AP3M1: variants seen among roughly 807,000 people sequenced by gnomAD.
The protein encoded by AP3M1 is AP-3 complex subunit mu-1.
A neutral mutation model predicts 42.6 loss-of-function variants in AP3M1; 29 were observed. The observed-to-expected ratio is 0.68, with a 90% CI of 0.51 to 0.93. The LOEUF is 0.93. Among genes scored for constraint, AP3M1 ranks in the 40% least tolerant of loss-of-function variants. AP3M1 has a pLI of 0.00. For missense variants in AP3M1, 416 were observed against 510.2 expected (o/e 0.82, Z 1.78); for synonymous variants, 178 against 175.3 (o/e 1.02, Z -0.12).
intron 7 of AP3M1, 86 bp downstream of exon 7, chr10:74,126,062 G>T: frequency 1.4e-6 from 2 of 1,420,310 alleles, no homozygotes; most frequent in South Asian, 1.2e-5. Context: ...TAAACAAGGT[G>T]CCAAACCTTT....
intron 4 of AP3M1, among the ~76,000 whole-genome samples, chr10:74,131,816 A>G (rs565801930): frequency 1.1e-4 from 16 of 152,168 alleles, no homozygotes; most frequent in Non-Finnish European, 2.4e-4. Flanking sequence ...TGCTGGGATT[A>G]CAGGTGTGAG....
intron 1 of AP3M1, 118 bp from the exon 2 acceptor site, chr10:74,138,500 C>A: frequency 1.3e-6 from 1 of 777,928 alleles, no homozygotes; most frequent in Non-Finnish European, 1.9e-6. Context: ...GCTGGTTCAA[C>A]ATACAAAAAT....
At chr10:74,127,913 C>A (rs1267471712) in intron 6 of AP3M1, among the ~76,000 whole-genome samples, 1 of 151,264 alleles carries the variant, frequency 6.6e-6, no homozygotes, top group Non-Finnish European at 1.5e-5. Context: ...CCAGTCTGAC[C>A]AACATGGAAT....
intron 3 of AP3M1, 26 bp from the exon 4 acceptor site, chr10:74,134,190 A>T: frequency 6.2e-7 from 1 of 1,606,976 alleles, no homozygotes; most frequent in Non-Finnish European, 8.5e-7. Context: ...GGAGAAGGCA[A>T]AGCTGATGTA....
chr10:74,147,178 T>C (rs1453483069), intron 1 of AP3M1, among the ~76,000 whole-genome samples: 1 of 151,978 alleles, frequency 6.6e-6, no homozygotes, highest in African/African-American at 2.4e-5. Context: ...CCGGCTGCTC[T>C]GGAGGCTGAG....
intron 1 of AP3M1, among the ~76,000 whole-genome samples, chr10:74,147,171 G>C (rs1177090849): frequency 6.6e-6 from 1 of 152,118 alleles, no homozygotes; most frequent in East Asian, 1.9e-4. Flanking sequence ...TGTAATCCCG[G>C]CTGCTCTGGA....
chr10:74,136,142 A>C (rs979786089), intron 3 of AP3M1, among the ~76,000 whole-genome samples: 8 of 152,240 alleles, frequency 5.3e-5, no homozygotes, highest in African/African-American at 1.9e-4. Flanking sequence ...TTTTTTCTTA[A>C]TACATCTTCT....
rs948908394 is a variant in AP3M1, at chr10:74,129,901, A to G, written c.669+6T>C. 1.2e-6 allele frequency: 2 copies of G among 1,605,038 alleles called. No homozygotes were observed. The highest frequency in any genetic ancestry group is 1.7e-6 in the Non-Finnish European group (2 of 1,172,086). On this transcript the variant is annotated splice_donor_region_variant and intron_variant, in intron 5 of 8. Transcript: ENST00000355264. Reference sequence around the variant, plus strand: ...AGGGGCTATAAAACAGGAGAATAAAACTTACCATGAAAGAAAGGGAGAGAT... The same window carrying G: ...AGGGGCTATAAAACAGGAGAATAAAGCTTACCATGAAAGAAAGGGAGAGAT...
At chr10:74,130,351 T>C (rs1388273687) in intron 4 of AP3M1, among the ~76,000 whole-genome samples, 1 of 152,218 alleles carries the variant, frequency 6.6e-6, no homozygotes, top group African/African-American at 2.4e-5. Flanking sequence ...GGCTGGAATA[T>C]AATAATAATT....
At chr10:74,133,319 G>A (rs751667912) in intron 4 of AP3M1, among the ~76,000 whole-genome samples, 2 of 151,864 alleles carry the variant, frequency 1.3e-5, no homozygotes, top group African/African-American at 2.4e-5. Flanking sequence ...GCTTGAACCC[G>A]GGAGGCGGAG....
rs777878319 is a variant in AP3M1, at chr10:74,124,521, G to A, written c.1015C>T (p.Leu339=). The A allele has an allele frequency of 9.5e-6, 15 of 1,584,946 alleles. No homozygotes were observed. The highest frequency in any genetic ancestry group is 9.4e-6 in the Non-Finnish European group (11 of 1,171,220). Residue 339 remains leucine (L), a synonymous_variant, in exon 8 of 9, where the codon CTA becomes TTA. Transcript: ENST00000355264. ...GTAATTTTTCCCACATCCCATGTTA[G>A]TACCTTAAAAAGACAAAAAATGAAA... ...SYTFDPVTKV[L]TWDVGKITPQ... is the part of the protein sequence containing the mutation.
intron 1 of AP3M1, among the ~76,000 whole-genome samples, chr10:74,149,594 C>A (rs558799663): frequency 6.6e-6 from 1 of 152,166 alleles, no homozygotes; most frequent in Admixed American, 6.6e-5. Context: ...GGCCAAGATT[C>A]GTAAATTAAG....
chr10:74,143,195 A>G (rs1362696468), intron 1 of AP3M1, among the ~76,000 whole-genome samples: 3 of 152,218 alleles, frequency 2.0e-5, no homozygotes, highest in African/African-American at 7.2e-5. Flanking sequence ...TACTAAAAAT[A>G]CAAAAATTAG....
intron 1 of AP3M1, chr10:74,138,668 T>C (rs1841027306): frequency 8.6e-6 from 2 of 231,778 alleles, no homozygotes; most frequent in Non-Finnish European, 1.7e-5. Flanking sequence ...CAGTGGCACA[T>C]GCCTGTAATC....
At chr10:74,135,022 C>G (rs1840899783) in intron 3 of AP3M1, among the ~76,000 whole-genome samples, 1 of 152,092 alleles carries the variant, frequency 6.6e-6, no homozygotes, top group African/African-American at 2.4e-5. Flanking sequence ...TTTAATTGCA[C>G]TTTAAAATAT....
chr10:74,138,110 A>G lies in AP3M1; in HGVS notation c.270T>C (p.Phe90=). 1 of 1,612,896 alleles carries G rather than the reference A, an allele frequency of 6.2e-7. No individual in the cohort carries two copies. Among genetic ancestry groups the G allele is most frequent in the Non-Finnish European group, 8.5e-7 (1 of 1,179,302 alleles). Residue 90 remains phenylalanine, a synonymous_variant, in exon 2 of 9, where the codon TTT becomes TTC. Transcript: ENST00000355264. Reference sequence around the variant, plus strand: ...AAAGGTATGATAGATAACCAACCTGAAAAGTGTCAGCAACTCGATGTAGGA... The same window carrying G: ...AAAGGTATGATAGATAACCAACCTGGAAAGTGTCAGCAACTCGATGTAGGA... The part of the protein sequence containing the change: ...IEFLHRVADT[F]QDYFGECSEA...
At chr10:74,133,685 T>G (rs962444952) in intron 4 of AP3M1, among the ~76,000 whole-genome samples, 4 of 150,704 alleles carry the variant, frequency 2.7e-5, no homozygotes, top group African/African-American at 9.7e-5. Flanking sequence ...TTTTTTTTTG[T>G]TGAGACAGAG....
At chr10:74,129,322 C>A in intron 5 of AP3M1, 81 bp from the exon 6 acceptor site, 1 of 1,452,256 alleles carries the variant, frequency 6.9e-7, no homozygotes, top group Non-Finnish European at 9.4e-7. Flanking sequence ...CAAATATGTT[C>A]CCTGAAGATA....
intron 4 of AP3M1, among the ~76,000 whole-genome samples, chr10:74,130,939 C>T (rs1288350597): frequency 1.3e-5 from 2 of 151,708 alleles, no homozygotes; most frequent in African/African-American, 4.8e-5. Context: ...GGCAAAACCC[C>T]GTTTCTACTA....
Sources: allele counts gnomAD v4.1 joint callset (sites outside exome capture counted in the v4.1 genomes callset), GRCh38; gene constraint gnomAD v4.1.1; transcripts MANE v1.5; gene names NCBI Gene and HGNC (gene_info 2026-07-23, HGNC 2026-07-21).